The following NXPH1 variants were observed in gnomAD, a reference collection of about 807,000 sequenced individuals.
NXPH1 encodes the protein neurexophilin 1, also known as neurexophilin-1.
In NXPH1, 5 loss-of-function variants were observed where a neutral mutation model predicts 23.7. The observed-to-expected ratio is 0.21, with a 90% confidence interval of 0.11 to 0.44. The LOEUF (loss-of-function observed/expected upper bound fraction) is 0.44, where lower values mean the gene tolerates loss of function less well. NXPH1 is among the 20% of genes least tolerant of loss of function. The pLI is 0.99. For synonymous variants in NXPH1, 144 were observed against 122.2 expected (o/e 1.18, Z -1.18); for missense variants, 324 against 321.6 (o/e 1.01, Z -0.06).
rs541304438 is a variant in NXPH1, at chr7:8,709,869, A to G, written c.55-41139A>G. ...AAATTCTGAGCTAATGTTAGGCTATATATCTTTACCAGCAGGCAGCCAAGT... is the reference window on the plus strand; with the variant it reads ...AAATTCTGAGCTAATGTTAGGCTATGTATCTTTACCAGCAGGCAGCCAAGT... On this transcript the variant is annotated intron_variant, in intron 2 of 2. Transcript: ENST00000405863. Among the ~76,000 whole-genome samples, 4 of 152,328 alleles carry G rather than the reference A, an allele frequency of 2.6e-5. No homozygotes were observed. The South Asian group carries it at 6.2e-4, about 24-fold the overall frequency.
chr7:8,567,512 G>A (rs1250130464), intron 2 of NXPH1, among the ~76,000 whole-genome samples: 1 of 151,892 alleles, frequency 6.6e-6, no homozygotes, highest in East Asian at 1.9e-4. Flanking sequence ...CATACACCTT[G>A]TTTCATTCTA....
intron 2 of NXPH1, among the ~76,000 whole-genome samples, chr7:8,470,301 G>C (rs1405862609): frequency 1.3e-5 from 2 of 152,140 alleles, no homozygotes; most frequent in Non-Finnish European, 2.9e-5. Context: ...GCACATATAA[G>C]TGATGTTAAT....
At chr7:8,697,800 C>T (rs559138279) in intron 2 of NXPH1, among the ~76,000 whole-genome samples, 1 of 152,228 alleles carries the variant, frequency 6.6e-6, no homozygotes, top group South Asian at 2.1e-4. Context: ...ACTGTAAGTA[C>T]AGAGGCTAGA....
At chr7:8,745,528 T>C (rs879734348) in intron 2 of NXPH1, among the ~76,000 whole-genome samples, 1 of 152,112 alleles carries the variant, frequency 6.6e-6, no homozygotes, top group Admixed American at 6.5e-5. Context: ...TTCTTACATT[T>C]GACACGTCCT....
intron 2 of NXPH1, among the ~76,000 whole-genome samples, chr7:8,676,756 T>C (rs957649950): frequency 2.0e-5 from 3 of 152,182 alleles, no homozygotes; most frequent in African/African-American, 7.2e-5. Context: ...TAATCCATTA[T>C]GACACAGGGC....
intron 2 of NXPH1, among the ~76,000 whole-genome samples, chr7:8,740,395 A>G (rs1170757585): frequency 1.3e-5 from 2 of 152,228 alleles, no homozygotes; most frequent in Non-Finnish European, 2.9e-5. Context: ...CATGCACTAC[A>G]TACAAATTTT....
chr7:8,507,592 C>T (rs1584200129), intron 2 of NXPH1, among the ~76,000 whole-genome samples: 1 of 151,994 alleles, frequency 6.6e-6, no homozygotes, highest in South Asian at 2.1e-4. Context: ...AGGATTTTAC[C>T]GTATTACATA....
intron 2 of NXPH1, among the ~76,000 whole-genome samples, chr7:8,568,737 G>T (rs1184270597): frequency 6.6e-6 from 1 of 151,606 alleles, no homozygotes; most frequent in Non-Finnish European, 1.5e-5. Flanking sequence ...GTACCCTGCT[G>T]GTACTTGAGG....
At chr7:8,503,408 G>T (rs911129296) in intron 2 of NXPH1, among the ~76,000 whole-genome samples, 6 of 151,862 alleles carry the variant, frequency 4.0e-5, no homozygotes, top group Admixed American at 3.9e-4. Context: ...GTGATGCATG[G>T]TCAGTGTTAT....
intron 2 of NXPH1, among the ~76,000 whole-genome samples, chr7:8,731,214 G>T (rs1018512907): frequency 1.3e-5 from 2 of 151,892 alleles, no homozygotes; most frequent in African/African-American, 4.8e-5. Flanking sequence ...GCACTTCTCT[G>T]TATTGATTAT....
At chr7:8,660,444 T>C (rs2115161225) in intron 2 of NXPH1, among the ~76,000 whole-genome samples, 1 of 152,348 alleles carries the variant, frequency 6.6e-6, no homozygotes, top group East Asian at 1.9e-4. Context: ...TATTTTTTGC[T>C]AAAACAACTA....
chr7:8,606,271 A>G (rs1819487955), intron 2 of NXPH1, among the ~76,000 whole-genome samples: 1 of 152,100 alleles, frequency 6.6e-6, no homozygotes, highest in Admixed American at 6.6e-5. Context: ...TAAAACACCT[A>G]AGAATAAAAA....
intron 2 of NXPH1, among the ~76,000 whole-genome samples, chr7:8,599,982 G>C (rs1160130299): frequency 6.6e-6 from 1 of 152,040 alleles, no homozygotes; most frequent in South Asian, 2.1e-4. Flanking sequence ...GTGGGATTGT[G>C]GGAGTGAGAA....
At chr7:8,622,127 T>C (rs1027187125) in intron 2 of NXPH1, among the ~76,000 whole-genome samples, 1 of 152,228 alleles carries the variant, frequency 6.6e-6, no homozygotes, top group African/African-American at 2.4e-5. Flanking sequence ...TATTTTACCA[T>C]GAAATTCATT....
At chr7:8,598,233 C>T (rs1455831564) in intron 2 of NXPH1, among the ~76,000 whole-genome samples, 1 of 152,098 alleles carries the variant, frequency 6.6e-6, no homozygotes, top group Non-Finnish European at 1.5e-5. Context: ...AGCAGCTATC[C>T]TCAAAGGGAT....
chr7:8,495,818 G>A (rs1563327241), intron 2 of NXPH1, among the ~76,000 whole-genome samples: 1 of 152,016 alleles, frequency 6.6e-6, no homozygotes, highest in South Asian at 2.1e-4. Context: ...ATGGGAGTGG[G>A]GAATGGGCCT....
chr7:8,636,850 T>C (rs60546771), intron 2 of NXPH1, among the ~76,000 whole-genome samples: 7,895 of 152,254 alleles, frequency 0.052, 424 homozygotes, highest in East Asian at 0.17. Context: ...TATGAAGATT[T>C]GTATTGGATT....
At chr7:8,601,846 G>A (rs149007321) in intron 2 of NXPH1, among the ~76,000 whole-genome samples, 7 of 152,210 alleles carry the variant, frequency 4.6e-5, no homozygotes, top group Non-Finnish European at 1.0e-4. Context: ...CAGGATATTC[G>A]GTAAAATGCC....
chr7:8,698,459 A>G (rs1401171317), intron 2 of NXPH1, among the ~76,000 whole-genome samples: 2 of 152,208 alleles, frequency 1.3e-5, no homozygotes, highest in African/African-American at 2.4e-5. Flanking sequence ...GGTGTGGCCA[A>G]TATCTCATAC....
Sources: gnomAD v4.1 joint callset for allele counts (sites outside exome capture counted in the v4.1 genomes callset) on GRCh38, gnomAD v4.1.1 for gene constraint, MANE v1.5 for transcripts, NCBI Gene and HGNC (gene_info 2026-07-23, HGNC 2026-07-21) for gene names.